Variants in RIT2 observed in about 807,000 individuals in gnomAD.
RIT2 encodes the protein Ras like without CAAX 2, also known as GTP-binding protein Rit2.
In RIT2, 24 loss-of-function variants were observed where a neutral mutation model predicts 23.7. The ratio of observed to expected loss-of-function variants is 1.01; its 90% CI spans 0.73 to 1.43. RIT2 has a LOEUF of 1.43. Ranked by LOEUF, RIT2 falls within the 40% of genes most tolerant of loss-of-function variation. RIT2 has a pLI of 0.00. For missense variants in RIT2, 236 were observed against 266.9 expected (o/e 0.88, Z 0.81); for synonymous variants, 107 against 91.1 (o/e 1.17, Z -0.99).
chr18:43,076,664 T>C (rs542315646), intron 1 of RIT2, among the ~76,000 whole-genome samples: 72 of 152,298 alleles, frequency 4.7e-4, no homozygotes, highest in Non-Finnish European at 8.7e-4. Context: ...TTGAGGTCCA[T>C]AGATATGTCT....
chr18:42,948,031 A>T (rs1001045592), intron 3 of RIT2, among the ~76,000 whole-genome samples: 9 of 152,072 alleles, frequency 5.9e-5, no homozygotes, highest in Non-Finnish European at 1.2e-4. Context: ...AGTTAGCAGA[A>T]CTACTTTTGG....
chr18:43,109,971 C>T lies in RIT2; in HGVS notation c.103+5446G>A, dbSNP rs565603265. Among the ~76,000 whole-genome samples the T allele has an allele frequency of 3.9e-5, 6 of 152,174 alleles. No individual in the cohort carries two copies. The South Asian group carries it at 8.3e-4, about 21-fold the overall frequency. On this transcript the variant is annotated intron_variant, in intron 1 of 4. Coordinates refer to ENST00000326695, the MANE Select transcript of RIT2 (RefSeq NM_002930.4). ...GAAAAACAATTTAGATGTAGAAAGC[C>T]TGTGTTCATGTCCAGTCCTTATTTT...
chr18:42,795,268 C>G (rs1211932057), intron 4 of RIT2, among the ~76,000 whole-genome samples: 1 of 152,164 alleles, frequency 6.6e-6, no homozygotes, highest in Non-Finnish European at 1.5e-5. Flanking sequence ...GAGCAGGAAC[C>G]GGGGCTGCGT....
chr18:42,891,711 A>G (rs1908180590), intron 4 of RIT2, among the ~76,000 whole-genome samples: 1 of 152,202 alleles, frequency 6.6e-6, no homozygotes, highest in African/African-American at 2.4e-5. Context: ...GGAGACAATG[A>G]AAAGTGCCGT....
At chr18:42,985,279 C>A (rs1025108827) in intron 2 of RIT2, among the ~76,000 whole-genome samples, 1 of 152,052 alleles carries the variant, frequency 6.6e-6, no homozygotes, top group Admixed American at 6.5e-5. Context: ...TAAAGATCAT[C>A]TAAATAAGTG....
chr18:42,781,534 C>T (rs1913811248), intron 4 of RIT2, among the ~76,000 whole-genome samples: 1 of 152,250 alleles, frequency 6.6e-6, no homozygotes, highest in Non-Finnish European at 1.5e-5. Flanking sequence ...TGCTGCTACC[C>T]AGAAGGTCAG....
intron 3 of RIT2, among the ~76,000 whole-genome samples, chr18:42,926,615 T>C (rs1909186945): frequency 1.3e-5 from 2 of 151,898 alleles, no homozygotes; most frequent in Non-Finnish European, 2.9e-5. Context: ...AAGGCAACAT[T>C]CACAGAGAAT....
intron 2 of RIT2, among the ~76,000 whole-genome samples, chr18:42,985,430 A>C (rs1910687739): frequency 6.6e-6 from 1 of 152,160 alleles, no homozygotes; most frequent in African/African-American, 2.4e-5. Context: ...TTTATATGGA[A>C]ATGAACAGAG....
At chr18:42,837,135 TTC>T in intron 4 of RIT2, among the ~76,000 whole-genome samples, 1 of 143,812 alleles carries the variant, frequency 7.0e-6, no homozygotes, top group South Asian at 2.2e-4. Flanking sequence ...CTATAAAAAT[TTC>T]TTTTTTTTTC....
intron 1 of RIT2, among the ~76,000 whole-genome samples, chr18:43,037,097 A>G (rs916755123): frequency 6.6e-6 from 1 of 152,212 alleles, no homozygotes; most frequent in Non-Finnish European, 1.5e-5. Context: ...ACTTTATAAT[A>G]TCTTAATACA....
chr18:42,933,436 T>C (rs1909376401), intron 3 of RIT2, among the ~76,000 whole-genome samples: 1 of 152,128 alleles, frequency 6.6e-6, no homozygotes, highest in Non-Finnish European at 1.5e-5. Flanking sequence ...CTGGACAAAA[T>C]CTCATCTTAA....
At chr18:42,856,825 C>CTTTT (rs760595125) in intron 4 of RIT2, among the ~76,000 whole-genome samples, 9 of 128,022 alleles carry the variant, frequency 7.0e-5, no homozygotes, top group Middle Eastern at 4.1e-3. Flanking sequence ...TTCTCTCTCT[C>CTTTT]TCTTTTTTTT....
At chr18:42,800,507 G>A (rs890012374) in intron 4 of RIT2, among the ~76,000 whole-genome samples, 1 of 139,392 alleles carries the variant, frequency 7.2e-6, no homozygotes, top group African/African-American at 2.8e-5. Flanking sequence ...TTTGTTTGAA[G>A]CAGTTACATT....
chr18:43,070,024 A>G (rs1912861989), intron 1 of RIT2, among the ~76,000 whole-genome samples: 1 of 152,196 alleles, frequency 6.6e-6, no homozygotes, highest in Admixed American at 6.5e-5. Context: ...CCCCGTAGCC[A>G]GAAAAGAGCC....
chr18:42,905,932 CA>C (rs1204807320), intron 4 of RIT2, among the ~76,000 whole-genome samples: 1 of 147,460 alleles, frequency 6.8e-6, no homozygotes, highest in Non-Finnish European at 1.5e-5. Flanking sequence ...TATTTATAAG[CA>C]ATGTTTTCCC....
chr18:42,765,917 G>A (rs183263534), intron 4 of RIT2, among the ~76,000 whole-genome samples: 15 of 152,044 alleles, frequency 9.9e-5, no homozygotes, highest in Non-Finnish European at 1.9e-4. Flanking sequence ...TGGGCTTATC[G>A]GGGGTTCCAT....
At chr18:42,908,305 A>G (rs888815848) in intron 4 of RIT2, among the ~76,000 whole-genome samples, 18 of 152,252 alleles carry the variant, frequency 1.2e-4, no homozygotes, top group African/African-American at 4.3e-4. Flanking sequence ...TCTGTGGGAC[A>G]ATAACAAAGA....
chr18:43,057,399 T>A (rs1202121795), intron 1 of RIT2, among the ~76,000 whole-genome samples: 1 of 152,172 alleles, frequency 6.6e-6, no homozygotes, highest in Non-Finnish European at 1.5e-5. Flanking sequence ...CCTGTCAACC[T>A]CATCTCCAGG....
At chr18:42,794,278 G>A (rs1336867187) in intron 4 of RIT2, among the ~76,000 whole-genome samples, 1 of 152,098 alleles carries the variant, frequency 6.6e-6, no homozygotes, top group East Asian at 1.9e-4. Context: ...CAATGTTGTA[G>A]CCATGGTTCT....
Sources: allele counts gnomAD v4.1 joint callset (sites outside exome capture counted in the v4.1 genomes callset), GRCh38; gene constraint gnomAD v4.1.1; transcripts MANE v1.5; gene names NCBI Gene and HGNC (gene_info 2026-07-23, HGNC 2026-07-21).